Variants in PSMD1 observed in about 807,000 individuals in gnomAD.
The protein encoded by PSMD1 is proteasome 26S subunit, non-ATPase 1, also known as 26S proteasome non-ATPase regulatory subunit 1.
In PSMD1, 18 loss-of-function variants were observed where a neutral mutation model predicts 119.0. The observed-to-expected ratio is 0.15, with a 90% confidence interval of 0.10 to 0.22. PSMD1 has a LOEUF of 0.22. PSMD1 is among the 10% of genes least tolerant of loss of function. PSMD1 has a pLI of 1.00. For synonymous variants in PSMD1, 374 were observed against 396.6 expected (o/e 0.94, Z 0.68); for missense variants, 702 against 1,158.5 (o/e 0.61, Z 5.72).
chr2:231,078,207 G>A (rs1423494841), intron 9 of PSMD1, among the ~76,000 whole-genome samples: 2 of 152,134 alleles, frequency 1.3e-5, no homozygotes, highest in Non-Finnish European at 2.9e-5. Flanking sequence ...GGTGGAGGCT[G>A]CAGTGAGCCG....
Position 231,066,962 on chromosome 2 carries a change from G to A in PSMD1, c.361G>A (p.Gly121Arg), listed in dbSNP as rs1407346087. The A allele has an allele frequency of 8.7e-6, 14 of 1,612,810 alleles. No homozygotes were observed. Among genetic ancestry groups the A allele is most frequent in the African/African-American group, 1.3e-5 (1 of 74,852 alleles). Residue 121 changes from glycine (G) to arginine (R), a missense_variant, in exon 5 of 25, where the codon GGA (glycine) becomes AGA (arginine). Physicochemically the swap from Gly to Arg is moderately radical, Grantham distance 125. This residue lies in a region of PSMD1 where 50 missense variants were observed against 41.8 expected (regional missense o/e 1.20). Transcript: ENST00000308696. ...TGTGGAAAATGCAGATTTGCCTGAA[G>A]GAGAAAAAAAACCAATTGACCAGAG... ...QCVENADLPE[G>R]EKKPIDQRLE...
chr2:231,061,389 C>G, intron 2 of PSMD1, 79 bp downstream of exon 2: 1 of 1,223,896 alleles, frequency 8.2e-7, no homozygotes, highest in South Asian at 1.4e-5. Context: ...CTGTAATCTT[C>G]CATCATTTAA....
At chr2:231,129,414 A>G (rs1351380307) in intron 16 of PSMD1, among the ~76,000 whole-genome samples, 1 of 152,208 alleles carries the variant, frequency 6.6e-6, no homozygotes, top group East Asian at 1.9e-4. Flanking sequence ...ATTTCTTTGT[A>G]TAAGGCTTGT....
chr2:231,138,959 A>C, intron 17 of PSMD1, 109 bp downstream of exon 17: 1 of 837,306 alleles, frequency 1.2e-6, no homozygotes, highest in Non-Finnish European at 2.0e-6. Flanking sequence ...GTGATCTGTA[A>C]GAGTAAACTT....
intron 21 of PSMD1, among the ~76,000 whole-genome samples, chr2:231,164,716 G>A (rs190031885): frequency 2.0e-5 from 3 of 151,872 alleles, no homozygotes; most frequent in African/African-American, 7.2e-5. Flanking sequence ...AATAATATAG[G>A]CTAACCACTC....
At position 231,083,756 on chromosome 2, in the gene PSMD1, G is replaced by A. The variant is rs151148079; in HGVS notation, c.1715G>A (p.Arg572His). 9.5e-5 allele frequency: 153 copies of A among 1,614,072 alleles called. 2 individuals are homozygous for A. In the Admixed American group the frequency reaches 1.9e-3, roughly 20 times the overall value. Reference sequence around the variant, plus strand: ...GATGCTCTCATTGAATCTCTCTGTCGTGACAAGGTGAGATCACATACGTCC... The same window carrying A: ...GATGCTCTCATTGAATCTCTCTGTCATGACAAGGTGAGATCACATACGTCC... ...EADALIESLC[R>H]DKDPILRRSG... is the part of the protein sequence containing the mutation. Residue 572 changes from arginine (R) to histidine (H), a missense_variant, in exon 14 of 25, where the codon CGT (arginine) becomes CAT (histidine). Transcript: ENST00000308696.
chr2:231,103,324 C>T (rs1178450003), intron 16 of PSMD1, among the ~76,000 whole-genome samples: 1 of 152,190 alleles, frequency 6.6e-6, no homozygotes, highest in African/African-American at 2.4e-5. Context: ...CATAAAGACT[C>T]TAGACAATTT....
At chr2:231,070,456 G>A (rs546951340) in intron 6 of PSMD1, among the ~76,000 whole-genome samples, 8 of 151,892 alleles carry the variant, frequency 5.3e-5, no homozygotes, top group Non-Finnish European at 1.0e-4. Context: ...TAGAAATAAC[G>A]AAGGTTTTTT....
chr2:231,099,099 T>C (rs186468225), intron 16 of PSMD1, among the ~76,000 whole-genome samples: 82 of 152,216 alleles, frequency 5.4e-4, no homozygotes, highest in African/African-American at 1.8e-3. Context: ...GAATTTGGAA[T>C]GGGATCTGAG....
At chr2:231,091,461 A>G (rs1694591328) in intron 16 of PSMD1, among the ~76,000 whole-genome samples, 1 of 152,160 alleles carries the variant, frequency 6.6e-6, no homozygotes, top group Admixed American at 6.5e-5. Context: ...GATCTCCTAC[A>G]TCTCCTCCTT....
chr2:231,086,995 G>A, intron 15 of PSMD1, 122 bp from the exon 16 acceptor site: 1 of 664,682 alleles, frequency 1.5e-6, no homozygotes, highest in Non-Finnish European at 2.7e-6. Context: ...GCAACATAAT[G>A]TTTTGATATA....
chr2:231,138,868 TG>T lies in PSMD1; in HGVS notation c.1998+22del, dbSNP rs760905084. ...GAAACAAGGTAAAGCCCACAGCCAA[TG>T]GGGTCAGTTCTTTCTTGGCGCCAGA... is the stretch of plus-strand genomic sequence containing the variant. On this transcript the variant is annotated intron_variant, in intron 17 of 24. Coordinates refer to ENST00000308696, the MANE Select transcript of PSMD1 (RefSeq NM_002807.4). 39 of 1,569,540 alleles carry T rather than the reference TG, an allele frequency of 2.5e-5. No homozygotes were observed. The Middle Eastern group carries it at 1.5e-3, about 61-fold the overall frequency.
At chr2:231,147,151 A>G (rs1696270225) in intron 18 of PSMD1, among the ~76,000 whole-genome samples, 1 of 151,950 alleles carries the variant, frequency 6.6e-6, no homozygotes, top group Non-Finnish European at 1.5e-5. Context: ...CACAATCCAC[A>G]CCCACCTTGT....
intron 17 of PSMD1, among the ~76,000 whole-genome samples, chr2:231,143,719 G>A (rs1337524994): frequency 6.6e-6 from 1 of 152,156 alleles, no homozygotes; most frequent in Non-Finnish European, 1.5e-5. Context: ...TTGATACAGT[G>A]TATACATATA....
chr2:231,083,069 T>TTA, intron 13 of PSMD1, 75 bp downstream of exon 13: 5 of 1,114,580 alleles, frequency 4.5e-6, no homozygotes, highest in Non-Finnish European at 6.5e-6. Flanking sequence ...TTTCTACCTA[T>TTA]ATTTTGTAGC....
chr2:231,058,366 A>G (rs2125147305), intron 1 of PSMD1, among the ~76,000 whole-genome samples: 1 of 152,226 alleles, frequency 6.6e-6, no homozygotes, highest in Admixed American at 6.5e-5. Flanking sequence ...TTTCTTGTGG[A>G]CTATGCTTTT....
chr2:231,163,026 G>C (rs1295874726), intron 20 of PSMD1: 1 of 151,132 alleles, frequency 6.6e-6, no homozygotes, highest in Non-Finnish European at 1.5e-5. Context: ...CTGAACCCGG[G>C]AGGCAGAGCT....
chr2:231,144,737 C>T (rs764713441), intron 17 of PSMD1, among the ~76,000 whole-genome samples: 1 of 152,126 alleles, frequency 6.6e-6, no homozygotes, highest in Non-Finnish European at 1.5e-5. Context: ...TTGAATTATA[C>T]AAATTTTGGA....
chr2:231,086,094 G>A (rs1011908921), intron 15 of PSMD1, among the ~76,000 whole-genome samples: 9 of 151,376 alleles, frequency 5.9e-5, no homozygotes, highest in Admixed American at 5.9e-4. Flanking sequence ...AGGCTGGAGC[G>A]CAGTAGCACA....
Sources: allele counts gnomAD v4.1 joint callset (sites outside exome capture counted in the v4.1 genomes callset), GRCh38; gene constraint gnomAD v4.1.1; regional missense constraint gnomAD v4.1.1; transcripts MANE v1.5; gene names NCBI Gene and HGNC (gene_info 2026-07-23, HGNC 2026-07-21).